SGK1: variants seen among roughly 807,000 people sequenced by gnomAD.
SGK1 encodes serine/threonine-protein kinase Sgk1.
SGK1 carries 26 observed loss-of-function variants against 64.2 expected under a neutral mutation model. The observed-to-expected ratio is 0.40, with a 90% CI of 0.30 to 0.56. The LOEUF (loss-of-function observed/expected upper bound fraction) is 0.56. Among genes scored for constraint, SGK1 ranks in the 20% least tolerant of loss-of-function variants. SGK1 has a pLI of 0.38. For missense variants in SGK1, 519 were observed against 645.6 expected, an observed-to-expected ratio of 0.80 and a Z score of 2.12; for synonymous variants, 265 against 239.7, an observed-to-expected ratio of 1.11 and a Z score of -0.98.
chr6:134,312,293 T>A (rs542782092), intron 1 of SGK1, among the ~76,000 whole-genome samples: 139 of 152,308 alleles, frequency 9.1e-4, no homozygotes, highest in African/African-American at 3.2e-3. Context: ...TGAGAAGACA[T>A]CGAAAGTTTC....
intron 3 of SGK1, among the ~76,000 whole-genome samples, chr6:134,196,238 T>A (rs971141804): frequency 1.6e-4 from 24 of 152,056 alleles, no homozygotes; most frequent in African/African-American, 5.5e-4. Context: ...TTATTTTTTT[T>A]AAATTTAAAA....
chr6:134,194,175 T>C (rs1775561607), intron 3 of SGK1, among the ~76,000 whole-genome samples: 1 of 152,136 alleles, frequency 6.6e-6, no homozygotes, highest in Non-Finnish European at 1.5e-5. Flanking sequence ...GAAATCTTTT[T>C]TTTTTTTTCT....
intron 3 of SGK1, among the ~76,000 whole-genome samples, chr6:134,203,862 G>C (rs1383887734): frequency 1.3e-5 from 2 of 152,102 alleles, no homozygotes. Flanking sequence ...TCAGGAGTTA[G>C]AGACCAGCCT....
intron 2 of SGK1, among the ~76,000 whole-genome samples, chr6:134,208,739 T>C (rs1775832391): frequency 1.9e-5 from 2 of 103,354 alleles, no homozygotes; most frequent in Non-Finnish European, 4.1e-5. Context: ...TAGTATTCCA[T>C]GTATGCGTAT....
intron 2 of SGK1, among the ~76,000 whole-genome samples, chr6:134,210,209 T>C (rs891566833): frequency 2.0e-5 from 3 of 152,174 alleles, no homozygotes; most frequent in East Asian, 1.9e-4. Flanking sequence ...ATACATACAA[T>C]GGAATATTAT....
chr6:134,194,170 CTTTT>C (rs57567582), intron 3 of SGK1, among the ~76,000 whole-genome samples: 1 of 145,736 alleles, frequency 6.9e-6, no homozygotes, highest in Non-Finnish European at 1.5e-5. Flanking sequence ...AGCTGGAAAT[CTTTT>C]TTTTTTTTTC....
At chr6:134,224,878 A>G (rs915103186) in intron 2 of SGK1, among the ~76,000 whole-genome samples, 59 of 151,796 alleles carry the variant, frequency 3.9e-4, no homozygotes, top group African/African-American at 1.4e-3. Flanking sequence ...AAAATTAGCC[A>G]GGCGTGGTAG....
chr6:134,211,867 C>G (rs1290284766), intron 2 of SGK1, among the ~76,000 whole-genome samples: 1 of 127,158 alleles, frequency 7.9e-6, no homozygotes, highest in East Asian at 2.2e-4. Flanking sequence ...AGCGAGATTC[C>G]GTCTACAAGG....
intron 3 of SGK1, among the ~76,000 whole-genome samples, chr6:134,189,708 C>T (rs1022357378): frequency 2.6e-5 from 4 of 152,210 alleles, no homozygotes; most frequent in South Asian, 2.1e-4. Context: ...TTCTTCAAAT[C>T]GTGTTGTTTA....
intron 1 of SGK1, among the ~76,000 whole-genome samples, chr6:134,287,460 A>G (rs188216174): frequency 8.8e-4 from 127 of 143,720 alleles, no homozygotes; most frequent in African/African-American, 3.1e-3. Flanking sequence ...TTTTTTTTTT[A>G]AGGAAGATTG....
intron 1 of SGK1, among the ~76,000 whole-genome samples, chr6:134,300,399 C>T (rs60227597): frequency 0.52 from 79,228 of 151,012 alleles, 21,372 homozygotes; most frequent in East Asian, 0.9. Flanking sequence ...ATTAGCCAGG[C>T]GTGTGGCGGG....
chr6:134,220,058 C>CAAAAAAAAAAAAAAAAAAAAAAAAAAAA (rs55870107), intron 2 of SGK1, among the ~76,000 whole-genome samples: 1 of 61,348 alleles, frequency 1.6e-5, no homozygotes, highest in Non-Finnish European at 2.5e-5. Context: ...GACTCCGTCT[C>CAAAAAAAAAAAAAAAAAAAAAAAAAAAA]AAAAAAAAAA....
intron 2 of SGK1, among the ~76,000 whole-genome samples, chr6:134,224,760 C>T (rs1478572123): frequency 5.9e-5 from 9 of 152,136 alleles, no homozygotes; most frequent in East Asian, 5.8e-4. Flanking sequence ...CAGTGTCTCA[C>T]GCCTGTAATC....
chr6:134,236,647 T>C (rs1265033795), intron 2 of SGK1, among the ~76,000 whole-genome samples: 2 of 151,906 alleles, frequency 1.3e-5, no homozygotes, highest in Non-Finnish European at 2.9e-5. Context: ...AAGTAAATAA[T>C]GAATTTTAAA....
At chr6:134,240,421 G>T (rs1776425837) in intron 2 of SGK1, among the ~76,000 whole-genome samples, 2 of 152,068 alleles carry the variant, frequency 1.3e-5, no homozygotes, top group African/African-American at 4.8e-5. Context: ...AGCTAGAGAT[G>T]TATAGTGAAA....
At chr6:134,231,472 A>G (rs920472077) in intron 2 of SGK1, among the ~76,000 whole-genome samples, 1 of 152,264 alleles carries the variant, frequency 6.6e-6, no homozygotes, top group African/African-American at 2.4e-5. Context: ...GGGTTCGGTA[A>G]TGCTGGTATT....
In SGK1 at chr6:134,170,826, C is replaced by G; in HGVS notation, c.1413G>C (p.Val471=). Residue 471 remains valine, a splice_region_variant and synonymous_variant, in exon 13 of 14, where the codon GTG becomes GTC. Coordinates refer to ENST00000367858, the MANE Select transcript of SGK1 (RefSeq NM_001143676.3). ...KKITPPFNPN[V]SGPNDLRHFD... is the part of the protein sequence containing the mutation. ...ACTTAGAAGAGAGACAGATACTCACCACATTTGGGTTAAAAGGGGGAGTAA... is the reference window on the plus strand; with the variant it reads ...ACTTAGAAGAGAGACAGATACTCACGACATTTGGGTTAAAAGGGGGAGTAA... 1 of 1,579,904 alleles carries G rather than the reference C, an allele frequency of 6.3e-7. No homozygotes were observed. The highest frequency in any genetic ancestry group is 8.7e-7 in the Non-Finnish European group (1 of 1,149,392).
intron 2 of SGK1, among the ~76,000 whole-genome samples, chr6:134,210,718 G>T (rs1355149782): frequency 6.6e-6 from 1 of 151,152 alleles, no homozygotes; most frequent in Non-Finnish European, 1.5e-5. Context: ...CAGCTACTCG[G>T]GAGGCTGAGG....
At chr6:134,258,385 A>G (rs1478129616) in intron 2 of SGK1, among the ~76,000 whole-genome samples, 1 of 152,086 alleles carries the variant, frequency 6.6e-6, no homozygotes, top group East Asian at 1.9e-4. Flanking sequence ...CTGCTGATGC[A>G]TATTTTAACG....
Sources: gnomAD v4.1 joint callset for allele counts (sites outside exome capture counted in the v4.1 genomes callset) on GRCh38, gnomAD v4.1.1 for gene constraint, MANE v1.5 for transcripts, NCBI Gene and HGNC (gene_info 2026-07-23, HGNC 2026-07-21) for gene names.